SLC5A10: variants seen among roughly 807,000 people sequenced by gnomAD.
The protein encoded by SLC5A10 is sodium/mannose cotransporter SLC5A10.
A neutral mutation model predicts 68.9 loss-of-function variants in SLC5A10; 55 were observed. That is an observed-to-expected ratio of 0.80 (90% CI 0.64 to 1.00). SLC5A10 has a LOEUF of 1.00. Ranked by LOEUF, SLC5A10 falls within the 50% of genes least tolerant of loss-of-function variation. The pLI is 0.00. For synonymous variants in SLC5A10, 344 were observed against 344.8 expected, an observed-to-expected ratio of 1.00 and a Z score of 0.02; for missense variants, 732 against 819.3, an observed-to-expected ratio of 0.89 and a Z score of 1.30.
rs938588809 is a variant in SLC5A10, at chr17:19,004,510, C to T, written c.983-8900C>T. Among the ~76,000 whole-genome samples, 1 of 152,114 alleles carries T rather than the reference C, an allele frequency of 6.6e-6. No homozygotes were observed. Among genetic ancestry groups the T allele is most frequent in the Non-Finnish European group, 1.5e-5 (1 of 67,986 alleles). On this transcript the variant is annotated intron_variant, in intron 9 of 14. Coordinates refer to ENST00000395645, the MANE Select transcript of SLC5A10 (RefSeq NM_001042450.4). The surrounding 1 kb of genome is among the most constrained non-coding windows in gnomAD (Gnocchi z 5.4). ...AGCTTCTTAGAGTGGGAGGCGGCCC[C>T]GGCACAGAGGCGCCCCGCAAACCGA...
At chr17:18,984,081 G>A (rs1031949820) in intron 9 of SLC5A10, among the ~76,000 whole-genome samples, 4 of 152,060 alleles carry the variant, frequency 2.6e-5, no homozygotes, top group Middle Eastern at 3.2e-3. Flanking sequence ...GGTGGCTCAC[G>A]CCTGTAATCC....
At chr17:18,986,636 T>G (rs531241821) in intron 9 of SLC5A10, among the ~76,000 whole-genome samples, 63 of 152,322 alleles carry the variant, frequency 4.1e-4, no homozygotes, top group African/African-American at 1.5e-3. Context: ...AGCCAGGGCT[T>G]CTCTGCTGAG....
chr17:19,005,911 C>T (rs898957212), intron 9 of SLC5A10, among the ~76,000 whole-genome samples: 4 of 152,178 alleles, frequency 2.6e-5, no homozygotes, highest in Non-Finnish European at 5.9e-5. Context: ...GTGATCCCAG[C>T]GGGGGAGCCC....
In SLC5A10 at chr17:19,000,015, C is replaced by T. The variant is rs746430805; in HGVS notation, c.983-13395C>T. Among the ~76,000 whole-genome samples, 8 of 152,252 alleles carry T rather than the reference C, an allele frequency of 5.3e-5. No individual in the cohort carries two copies. The highest frequency in any genetic ancestry group is 1.0e-4 in the Non-Finnish European group (7 of 68,034). Reference sequence around the variant, plus strand: ...CTACATCCAGCTCTGGCTGAGGAAGCCCCAACCCAGCCCAGCCTCACGCCT... The same window carrying T: ...CTACATCCAGCTCTGGCTGAGGAAGTCCCAACCCAGCCCAGCCTCACGCCT... On this transcript the variant is annotated intron_variant, in intron 9 of 14. Transcript: ENST00000395645. This position sits in a 1 kb window ranked among gnomAD's most constrained non-coding sequence, Gnocchi z 5.2.
intron 9 of SLC5A10, among the ~76,000 whole-genome samples, chr17:18,987,284 T>C (rs750225908): frequency 6.6e-6 from 1 of 152,226 alleles, no homozygotes; most frequent in Non-Finnish European, 1.5e-5. Context: ...ATGGGGTATG[T>C]GGCTCCATTC....
intron 8 of SLC5A10, chr17:18,976,045 CG>C (rs1567788667): frequency 6.6e-6 from 1 of 151,722 alleles, no homozygotes; most frequent in Non-Finnish European, 1.5e-5. Flanking sequence ...AAAAATTAGC[CG>C]GGCGTGGTGG....
intron 9 of SLC5A10, among the ~76,000 whole-genome samples, chr17:18,997,202 C>T (rs1208559207): frequency 6.6e-6 from 1 of 152,260 alleles, no homozygotes; most frequent in Non-Finnish European, 1.5e-5. Context: ...CCAGGAGGCT[C>T]AGCCTAGCCC....
chr17:19,006,189 T>C (rs2043885048), intron 9 of SLC5A10, among the ~76,000 whole-genome samples: 1 of 152,194 alleles, frequency 6.6e-6, no homozygotes, highest in African/African-American at 2.4e-5. Flanking sequence ...GCCAGAAAAT[T>C]GACACTGGTG....
chr17:18,976,117 G>A lies in SLC5A10; in HGVS notation c.847-737G>A, dbSNP rs1354646406. The A allele has an allele frequency of 6.7e-5, 10 of 148,416 alleles. No homozygotes were observed. In the Admixed American group the frequency reaches 7.0e-4, roughly 10 times the overall value. The allele number at this position is 148,416 out of a possible 1,614,324, so 9.2% of individuals were successfully genotyped here. ...GGCAGGAGAATGGCGTGAACCCGGA[G>A]GCGGAGCTTGCAGTGAGCCGAGATC... On this transcript the variant is annotated intron_variant, in intron 8 of 14. Coordinates refer to ENST00000395645, the MANE Select transcript of SLC5A10 (RefSeq NM_001042450.4).
chr17:18,990,465 A>C (rs914910989), intron 9 of SLC5A10, among the ~76,000 whole-genome samples: 5 of 152,164 alleles, frequency 3.3e-5, no homozygotes, highest in African/African-American at 1.2e-4. Flanking sequence ...CCTGGAAAGG[A>C]GCCTAATGAG....
chr17:18,979,696 G>T, intron 9 of SLC5A10: 1 of 1,611,956 alleles, frequency 6.2e-7, no homozygotes, highest in Non-Finnish European at 8.5e-7. Flanking sequence ...CCAAGAGACA[G>T]AATTACACGA....
At chr17:18,959,694 G>A in intron 4 of SLC5A10, 31 bp downstream of exon 4, 3 of 1,611,604 alleles carry the variant, frequency 1.9e-6, no homozygotes, top group Middle Eastern at 1.7e-4. Flanking sequence ...TCCAGCTGGG[G>A]GGCTGGGCCT....
chr17:18,953,787 A>T (rs1200744912), intron 1 of SLC5A10: 1 of 152,700 alleles, frequency 6.5e-6, no homozygotes, highest in Non-Finnish European at 1.5e-5. Context: ...GCAAATGCTC[A>T]TTGGAGCATC....
intron 9 of SLC5A10, among the ~76,000 whole-genome samples, chr17:18,984,932 G>A (rs143393939): frequency 6.6e-6 from 1 of 152,360 alleles, no homozygotes; most frequent in East Asian, 1.9e-4. Context: ...GGAATGGCTG[G>A]GAGCCCCACA....
chr17:18,978,881 C>T, intron 9 of SLC5A10: 1 of 1,605,234 alleles, frequency 6.2e-7, no homozygotes, highest in Non-Finnish European at 8.5e-7. Flanking sequence ...GCTGGTCAGG[C>T]ACATGACCCT....
At chr17:18,959,337 A>G in intron 3 of SLC5A10, 98 bp downstream of exon 3, 1 of 1,289,750 alleles carries the variant, frequency 7.8e-7, no homozygotes, top group Non-Finnish European at 1.1e-6. Context: ...GTGTCAGCCG[A>G]TGTCCAGGTG....
In SLC5A10 at chr17:18,977,606, C is replaced by T. The variant is rs372199593; in HGVS notation, c.982+617C>T. 1.3e-5 allele frequency: 21 copies of T among 1,608,918 alleles called. No individual in the cohort carries two copies. The highest frequency in any genetic ancestry group is 1.6e-4 in the Middle Eastern group (1 of 6,078). Reference sequence around the variant, plus strand: ...CACCTGTGCCTCCTTGTCTGTGGAGCGCTGGGCCTGCATCCTCTTCAACGC... The same window carrying T: ...CACCTGTGCCTCCTTGTCTGTGGAGTGCTGGGCCTGCATCCTCTTCAACGC... On this transcript the variant is annotated intron_variant, in intron 9 of 14. Transcript: ENST00000395645.
At chr17:19,014,700 C>T (rs913690604) in intron 10 of SLC5A10, among the ~76,000 whole-genome samples, 6 of 152,162 alleles carry the variant, frequency 3.9e-5, no homozygotes, top group African/African-American at 1.4e-4. Flanking sequence ...TTTCCTCGGA[C>T]GAAGGCATGG....
chr17:18,965,148 G>C (rs369380372), intron 5 of SLC5A10, among the ~76,000 whole-genome samples: 55 of 152,166 alleles, frequency 3.6e-4, no homozygotes, highest in African/African-American at 1.3e-3. Context: ...GCCAAATGCA[G>C]GAGGGACCAG....
Sources: gnomAD v4.1 joint callset for allele counts (sites outside exome capture counted in the v4.1 genomes callset) on GRCh38, gnomAD v4.1.1 for gene constraint, Gnocchi (gnomAD v3.1) non-coding constraint, MANE v1.5 for transcripts, NCBI Gene and HGNC (gene_info 2026-07-23, HGNC 2026-07-21) for gene names.